CAP1: variants seen among roughly 807,000 people sequenced by gnomAD.
CAP1 encodes the protein adenylyl cyclase-associated protein 1.
Under a neutral mutation model 58.2 loss-of-function variants are expected in CAP1, and 11 were observed. The observed-to-expected ratio is 0.19, with a 90% confidence interval of 0.12 to 0.31. CAP1 has a LOEUF of 0.31. Ranked by LOEUF, CAP1 falls within the 10% of genes least tolerant of loss-of-function variation. The pLI is 1.00. For synonymous variants in CAP1, 183 were observed against 213.8 expected, an observed-to-expected ratio of 0.86 and a Z score of 1.26; for missense variants, 423 against 587.5, an observed-to-expected ratio of 0.72 and a Z score of 2.89.
At chr1:40,051,047 C>G (rs966915073) in intron 1 of CAP1, among the ~76,000 whole-genome samples, 3 of 152,122 alleles carry the variant, frequency 2.0e-5, no homozygotes, top group Non-Finnish European at 4.4e-5. Flanking sequence ...AATGGCTTCC[C>G]TTTTTTCTCT....
chr1:40,054,735 A>C (rs1646536899), intron 1 of CAP1, among the ~76,000 whole-genome samples: 1 of 152,170 alleles, frequency 6.6e-6, no homozygotes, highest in South Asian at 2.1e-4. Context: ...TCCACTTCCC[A>C]GGTTCAAGCC....
Position 40,071,915 on chromosome 1 carries a change from CTT to C in CAP1, c.*388_*389del. 1 of 412,684 alleles carries C rather than the reference CTT, an allele frequency of 2.4e-6. No homozygotes were observed. The allele number at this position is 412,684 out of a possible 1,614,324, so 25.6% of individuals were successfully genotyped here. A position where few individuals can be genotyped will look rare whatever the true frequency, so the allele number is the denominator to read the frequency against. ...GATCAGAATGTTCACACTGGTTAATCTTTTTTTAACAATGAGCATGAAGGTAG... is the reference window on the plus strand; with the variant it reads ...GATCAGAATGTTCACACTGGTTAATCTTTTTAACAATGAGCATGAAGGTAG... On this transcript the variant is annotated 3_prime_UTR_variant, in exon 13 of 13. Coordinates refer to ENST00000372805, the MANE Select transcript of CAP1 (RefSeq NM_006367.4).
intron 1 of CAP1, chr1:40,041,349 T>G (rs1386182843): frequency 6.6e-6 from 1 of 152,186 alleles, no homozygotes; most frequent in Non-Finnish European, 1.5e-5. Context: ...AACTTTTTTT[T>G]TTCTCTCCTC....
intron 4 of CAP1, among the ~76,000 whole-genome samples, chr1:40,062,640 G>T (rs959223458): frequency 6.6e-6 from 1 of 151,954 alleles, no homozygotes; most frequent in Non-Finnish European, 1.5e-5. Context: ...TGGTGCATGC[G>T]TATAGTCCCA....
intron 3 of CAP1, among the ~76,000 whole-genome samples, 183 bp from the exon 4 acceptor site, chr1:40,061,552 C>T (rs1208346697): frequency 6.6e-6 from 1 of 152,100 alleles, no homozygotes; most frequent in East Asian, 1.9e-4. Flanking sequence ...CTGATGAGTT[C>T]CAATAGGAAC....
intron 1 of CAP1, among the ~76,000 whole-genome samples, chr1:40,045,076 G>T (rs532264498): frequency 9.2e-5 from 14 of 151,974 alleles, no homozygotes; most frequent in African/African-American, 3.4e-4. Flanking sequence ...GAGCCACCGC[G>T]CCTGGCCATA....
chr1:40,067,357 G>C, intron 7 of CAP1, 183 bp from the exon 8 acceptor site: 1 of 499,816 alleles, frequency 2.0e-6, no homozygotes, highest in Non-Finnish European at 3.5e-6. Context: ...AGAACTGAGA[G>C]CTGGATCCTT....
intron 8 of CAP1, among the ~76,000 whole-genome samples, chr1:40,069,170 T>A (rs16826856): frequency 0.12 from 17,754 of 152,228 alleles, 1,224 homozygotes; most frequent in South Asian, 0.2. Flanking sequence ...CATGAGAAAG[T>A]TTTTAAGTGT....
At chr1:40,047,150 T>C (rs2124184971) in intron 1 of CAP1, among the ~76,000 whole-genome samples, 1 of 121,834 alleles carries the variant, frequency 8.2e-6, no homozygotes, top group East Asian at 2.8e-4. Context: ...TAATCCCATA[T>C]AATCTTATGG....
intron 6 of CAP1, among the ~76,000 whole-genome samples, chr1:40,065,920 G>A (rs1047022187): frequency 6.6e-6 from 1 of 151,984 alleles, no homozygotes; most frequent in East Asian, 1.9e-4. Context: ...TCAATAAGCA[G>A]CAAGTGGTCA....
chr1:40,056,079 A>AT (rs1335172970), intron 1 of CAP1, among the ~76,000 whole-genome samples: 1 of 152,180 alleles, frequency 6.6e-6, no homozygotes, highest in Non-Finnish European at 1.5e-5. Context: ...TATAGTCACA[A>AT]AGCCACTGCA....
rs1647773746 is a variant in CAP1, at chr1:40,070,721, C to CA, written c.1201-114dup. 31 of 993,826 alleles carry CA rather than the reference C, an allele frequency of 3.1e-5. No individual in the cohort carries two copies. The South Asian group carries it at 4.6e-4, about 15-fold the overall frequency. 61.6% of individuals were successfully genotyped at this position (993,826 alleles called of 1,614,324 possible). On this transcript the variant is annotated intron_variant, in intron 11 of 12. Transcript: ENST00000372805. Reference sequence around the variant, plus strand: ...CCACCCGAGTATCCAGTGTCTTGCGCATCTGTGAGCTTTTCATGTAGTTGC... The same window carrying CA: ...CCACCCGAGTATCCAGTGTCTTGCGCAATCTGTGAGCTTTTCATGTAGTTGC...
At chr1:40,045,143 T>C (rs907227357) in intron 1 of CAP1, among the ~76,000 whole-genome samples, 3 of 152,124 alleles carry the variant, frequency 2.0e-5, no homozygotes, top group Non-Finnish European at 4.4e-5. Context: ...AGCATCTGTC[T>C]CTACCCAGTA....
intron 4 of CAP1, among the ~76,000 whole-genome samples, chr1:40,063,436 C>G (rs1412128702): frequency 1.3e-5 from 2 of 152,160 alleles, no homozygotes; most frequent in Non-Finnish European, 2.9e-5. Context: ...CTTGGCCTCC[C>G]AAAGTGCTGG....
intron 1 of CAP1, among the ~76,000 whole-genome samples, chr1:40,046,515 G>C (rs1435508450): frequency 6.6e-6 from 1 of 152,060 alleles, no homozygotes; most frequent in Non-Finnish European, 1.5e-5. Flanking sequence ...GTTGCATATA[G>C]TTTATGGAGT....
intron 3 of CAP1, among the ~76,000 whole-genome samples, chr1:40,061,200 G>A (rs1646836602): frequency 6.6e-6 from 1 of 150,880 alleles, no homozygotes; most frequent in Non-Finnish European, 1.5e-5. Context: ...CTTGAAGTTG[G>A]TGCACTGCAC....
chr1:40,066,479 AAG>A (rs1418936801), intron 7 of CAP1, among the ~76,000 whole-genome samples, 159 bp downstream of exon 7: 2 of 152,310 alleles, frequency 1.3e-5, no homozygotes, highest in Non-Finnish European at 2.9e-5. Context: ...AAAGGGTAAA[AAG>A]AGTAGAGGAA....
At chr1:40,059,248 C>A in intron 1 of CAP1, 89 bp from the exon 2 acceptor site, 1 of 729,912 alleles carries the variant, frequency 1.4e-6, no homozygotes, top group Non-Finnish European at 2.4e-6. Flanking sequence ...TCTTCATCCA[C>A]CTGGGGATGA....
At position 40,069,730 on chromosome 1, in the gene CAP1, C is replaced by T. The variant is rs1241929668; in HGVS notation, c.849C>T (p.Asn283=). The T allele has an allele frequency of 1.9e-6, 3 of 1,613,668 alleles. No homozygotes were observed. In the African/African-American group the frequency reaches 4.0e-5, roughly 22 times the overall value. The change falls in exon 9 of 13, where the codon AAC becomes AAT. Residue 283 remains asparagine, a synonymous_variant. Coordinates refer to ENST00000372805, the MANE Select transcript of CAP1 (RefSeq NM_006367.4). ...HVSDDMKTHK[N]PALKAQSGPV... Reference sequence around the variant, plus strand: ...CTGATGACATGAAGACTCACAAGAACCCTGCCCTGAAGGCTCAGAGTGGTC... The same window carrying T: ...CTGATGACATGAAGACTCACAAGAATCCTGCCCTGAAGGCTCAGAGTGGTC...
Sources: gnomAD v4.1 joint callset for allele counts (sites outside exome capture counted in the v4.1 genomes callset) on GRCh38, gnomAD v4.1.1 for gene constraint, MANE v1.5 for transcripts, NCBI Gene and HGNC (gene_info 2026-07-23, HGNC 2026-07-21) for gene names.